P2RX7: variants seen among roughly 807,000 people sequenced by gnomAD.
The protein encoded by P2RX7 is P2X purinoceptor 7.
A neutral mutation model predicts 71.6 loss-of-function variants in P2RX7; 62 were observed. The observed-to-expected ratio is 0.87, with a 90% CI of 0.71 to 1.07. The LOEUF (loss-of-function observed/expected upper bound fraction) is 1.07, where lower values mean the gene tolerates loss of function less well. Ranked by LOEUF, P2RX7 falls within the 50% of genes least tolerant of loss-of-function variation. The probability of loss-of-function intolerance (pLI) is 0.00; values close to 1 mark genes in which losing one functional copy is unlikely to be tolerated. For missense variants in P2RX7, 686 were observed against 748.5 expected (o/e 0.92, Z 0.97); for synonymous variants, 299 against 283.3 (o/e 1.06, Z -0.56).
chr12:121,166,344 A>C (rs78930509), intron 7 of P2RX7, among the ~76,000 whole-genome samples, 157 bp downstream of exon 7: 45,218 of 151,958 alleles, frequency 0.3, 6,898 homozygotes, highest in African/African-American at 0.33. Context: ...TTTACCTACC[A>C]TACCTCGTCA....
chr12:121,182,059 T>C (rs1593159756), intron 12 of P2RX7, among the ~76,000 whole-genome samples: 1 of 115,652 alleles, frequency 8.6e-6, no homozygotes, highest in South Asian at 2.7e-4. Context: ...ACAAGCTCCA[T>C]CTAAAAAAAA....
At chr12:121,180,239 C>A (rs1385170338) in intron 11 of P2RX7, 115 bp from the exon 12 acceptor site, 4 of 465,744 alleles carry the variant, frequency 8.6e-6, no homozygotes, top group South Asian at 5.2e-5. Flanking sequence ...GAGTTTTGAG[C>A]CAGCTTGTTC....
At position 121,185,077 on chromosome 12, in the gene P2RX7, G is replaced by T; in HGVS notation, c.*275G>T. The T allele has an allele frequency of 7.6e-6, 2 of 262,104 alleles. No homozygotes were observed. The highest frequency in any genetic ancestry group is 1.4e-5 in the Non-Finnish European group (2 of 140,268). The allele number at this position is 262,104 out of a possible 1,614,324, so 16.2% of individuals were successfully genotyped here. On this transcript the variant is annotated 3_prime_UTR_variant, in exon 13 of 13. Transcript: ENST00000328963. ...TCCAGCCTGGGAGGCACAGCAAACT[G>T]TCCCCCAAAAAAAAAAAAGAGTCCT... is the stretch of plus-strand genomic sequence containing the variant.
Position 121,143,615 on chromosome 12 carries a change from T to A in P2RX7, c.125+10520T>A, listed in dbSNP as rs556746058. On this transcript the variant is annotated intron_variant, in intron 1 of 12. Coordinates refer to ENST00000328963, the MANE Select transcript of P2RX7 (RefSeq NM_002562.6). ...CTGTAATCCCAGAACTCTGGGAGAC[T>A]GAGGTGGGTGGATCACCTGAGGTCA... Among the ~76,000 whole-genome samples the A allele has an allele frequency of 2.6e-5, 4 of 151,146 alleles. No individual in the cohort carries two copies. The East Asian group carries it at 7.8e-4, about 30-fold the overall frequency.
intron 8 of P2RX7, 43 bp downstream of exon 8, chr12:121,167,667 G>C: frequency 2.0e-6 from 3 of 1,477,574 alleles, no homozygotes; most frequent in Non-Finnish European, 2.7e-6. Flanking sequence ...TGGCTGAATC[G>C]CATTCCCAGG....
chr12:121,148,442 T>G (rs905185079), intron 1 of P2RX7, among the ~76,000 whole-genome samples: 1 of 151,920 alleles, frequency 6.6e-6, no homozygotes, highest in Non-Finnish European at 1.5e-5. Context: ...CTCAAACTCT[T>G]GATCTCAAAT....
chr12:121,182,008 T>C (rs1368497087), intron 12 of P2RX7, among the ~76,000 whole-genome samples: 1 of 150,956 alleles, frequency 6.6e-6, no homozygotes, highest in African/African-American at 2.4e-5. Context: ...AGGCTGCGGT[T>C]AGCTGAGATC....
intron 7 of P2RX7, 26 bp from the exon 8 acceptor site, chr12:121,167,462 G>C: frequency 6.2e-7 from 1 of 1,613,276 alleles, no homozygotes; most frequent in Non-Finnish European, 8.5e-7. Flanking sequence ...AGCAGCCATA[G>C]AGACTGTCCC....
intron 8 of P2RX7, among the ~76,000 whole-genome samples, chr12:121,172,750 C>T (rs1286655723): frequency 6.6e-6 from 1 of 152,194 alleles, no homozygotes; most frequent in African/African-American, 2.4e-5. Flanking sequence ...TCAGAAAGAG[C>T]CACTAAAGTG....
intron 4 of P2RX7, chr12:121,162,177 C>A: frequency 8.1e-7 from 1 of 1,229,190 alleles, no homozygotes; most frequent in South Asian, 1.7e-5. Context: ...TATAAAGAAA[C>A]AAAAGAGCCA....
intron 5 of P2RX7, among the ~76,000 whole-genome samples, chr12:121,163,336 A>ACACACACACACACACACG (rs1403638242): frequency 8.1e-6 from 1 of 123,038 alleles, no homozygotes; most frequent in African/African-American, 3.4e-5. Context: ...TTACACACAC[A>ACACACACACACACACACG]CACACACACA....
intron 11 of P2RX7, among the ~76,000 whole-genome samples, chr12:121,179,300 A>G (rs1593149287): frequency 6.6e-6 from 1 of 152,034 alleles, no homozygotes; most frequent in African/African-American, 2.4e-5. Context: ...GGAGTTCAAA[A>G]CCAGCCTGGC....
intron 5 of P2RX7, among the ~76,000 whole-genome samples, chr12:121,162,943 G>A (rs1248574677): frequency 1.3e-5 from 2 of 151,830 alleles, no homozygotes; most frequent in African/African-American, 4.9e-5. Context: ...GAAGGGGAAG[G>A]GGAGGAAAAA....
chr12:121,161,123 G>A (rs762447689), intron 4 of P2RX7, 149 bp downstream of exon 4: 5 of 712,120 alleles, frequency 7.0e-6, no homozygotes, highest in East Asian at 2.5e-5. Flanking sequence ...CCCATGCTTC[G>A]GCTCTGTCCC....
At position 121,186,506 on chromosome 12, in the gene P2RX7, C is replaced by T. The variant is rs73220279; in HGVS notation, c.*1704C>T. 9,878 of 152,270 alleles carry T rather than the reference C, an allele frequency of 0.065. 499 individuals are homozygous for T. Among genetic ancestry groups the T allele is most frequent in the Non-Finnish European group, 0.093 (6,345 of 68,026 alleles). 9.4% of individuals were successfully genotyped at this position (152,270 alleles called of 1,614,324 possible). ...GCTATAGACCAAATCAGGTAACTCACCAGACCAGCCTTGGAATCTATCAAA... is the reference window on the plus strand; with the variant it reads ...GCTATAGACCAAATCAGGTAACTCATCAGACCAGCCTTGGAATCTATCAAA... On this transcript the variant is annotated 3_prime_UTR_variant, in exon 13 of 13. Transcript: ENST00000328963.
chr12:121,160,610 T>G (rs1009490547), intron 3 of P2RX7, among the ~76,000 whole-genome samples: 6 of 152,246 alleles, frequency 3.9e-5, no homozygotes, highest in Non-Finnish European at 8.8e-5. Context: ...TGTGGCCTTT[T>G]GTGTCTGTCT....
intron 9 of P2RX7, among the ~76,000 whole-genome samples, chr12:121,176,667 T>C (rs886461888): frequency 3.3e-5 from 5 of 149,434 alleles, no homozygotes; most frequent in African/African-American, 1.2e-4. Flanking sequence ...CAGGAGTATC[T>C]CTTGAACCCA....
In P2RX7 at chr12:121,182,004, C is replaced by T. The variant is rs550507727; in HGVS notation, c.1290+1549C>T. Among the ~76,000 whole-genome samples the T allele has an allele frequency of 3.4e-5, 5 of 148,292 alleles. No homozygotes were observed. The South Asian group carries it at 6.4e-4, about 19-fold the overall frequency. ...GCTTGAACCTGGGAGGCAGAGGCTG[C>T]GGTTAGCTGAGATCACACCTCTGCA... On this transcript the variant is annotated intron_variant, in intron 12 of 12. Transcript: ENST00000328963.
At chr12:121,137,842 G>A (rs1180611370) in intron 1 of P2RX7, among the ~76,000 whole-genome samples, 2 of 152,242 alleles carry the variant, frequency 1.3e-5, no homozygotes, top group Non-Finnish European at 2.9e-5. Context: ...GACAGGTTCT[G>A]GCCAGCTGTC....
Sources: gnomAD v4.1 joint callset for allele counts (sites outside exome capture counted in the v4.1 genomes callset) on GRCh38, gnomAD v4.1.1 for gene constraint, MANE v1.5 for transcripts, NCBI Gene and HGNC (gene_info 2026-07-23, HGNC 2026-07-21) for gene names.